The following MARVELD2 variants were observed in gnomAD, a reference collection of about 807,000 sequenced individuals.
MARVELD2 encodes MARVEL domain-containing protein 2.
Under a neutral mutation model 57.6 loss-of-function variants are expected in MARVELD2, and 49 were observed. The ratio of observed to expected loss-of-function variants is 0.85; its 90% CI spans 0.68 to 1.08. MARVELD2 has a LOEUF of 1.08. MARVELD2 is among the 50% of genes least tolerant of loss of function. The pLI is 0.00. For missense variants in MARVELD2, 606 were observed against 701.1 expected, an observed-to-expected ratio of 0.86 and a Z score of 1.53; for synonymous variants, 238 against 258.8, an observed-to-expected ratio of 0.92 and a Z score of 0.77.
At chr5:69,439,161 T>TTTTA (rs1276214303) in intron 5 of MARVELD2, among the ~76,000 whole-genome samples, 2 of 151,842 alleles carry the variant, frequency 1.3e-5, no homozygotes, top group East Asian at 2.0e-4. Context: ...TTTATTAGTT[T>TTTTA]TTTATTTATT....
In MARVELD2 at chr5:69,440,482, G is replaced by A. The variant is rs770051043; in HGVS notation, c.1536G>A (p.Glu512=). The change falls in exon 6 of 7, where the codon GAG becomes GAA. Residue 512 remains glutamate (E), a synonymous_variant. Coordinates refer to ENST00000325631, the MANE Select transcript of MARVELD2 (RefSeq NM_001038603.3). The stretch of plus-strand genomic sequence containing the variant: ...AGAGAATTTCAAGAATCCATGAAGA[G>A]TTTAAGAAAAAAAAGAATGTGAGTA... ...EHERISRIHE[E]FKKKKNDPTF... is the part of the protein sequence containing the mutation. The A allele has an allele frequency of 5.6e-6, 8 of 1,434,468 alleles. No homozygotes were observed. In the Admixed American group the frequency reaches 1.2e-4, roughly 21 times the overall value. 88.9% of individuals were successfully genotyped at this position (1,434,468 alleles called of 1,614,324 possible).
In MARVELD2 at chr5:69,420,248, G is replaced by T. The variant is rs763714710; in HGVS notation, c.863G>T (p.Trp288Leu). 1.2e-6 allele frequency: 2 copies of T among 1,614,094 alleles called. No homozygotes were observed. Among genetic ancestry groups the T allele is most frequent in the Admixed American group, 1.7e-5 (1 of 60,018 alleles). ...YYRTILLDSN[W>L]WPLTEFGINV... ...CGGACCATTCTTCTGGACTCTAATT[G>T]GTGGCCCCTAACTGAATTTGGAATT... The change falls in exon 2 of 7, where the codon TGG (tryptophan) becomes TTG (leucine). Residue 288 changes from tryptophan to leucine, a missense_variant. Coordinates refer to ENST00000325631, the MANE Select transcript of MARVELD2 (RefSeq NM_001038603.3).
intron 1 of MARVELD2, among the ~76,000 whole-genome samples, chr5:69,418,545 G>A (rs374440810): frequency 1.1e-4 from 16 of 152,234 alleles, no homozygotes; most frequent in Admixed American, 3.9e-4. Flanking sequence ...GTGCCTTGGG[G>A]GAGCCTTAGC....
intron 5 of MARVELD2, among the ~76,000 whole-genome samples, chr5:69,436,402 AACAC>A (rs66984523): frequency 0.25 from 31,342 of 123,548 alleles, 3,863 homozygotes; most frequent in Non-Finnish European, 0.31. Flanking sequence ...TATGTATGGG[AACAC>A]ACACACACAC....
intron 3 of MARVELD2, among the ~76,000 whole-genome samples, chr5:69,432,016 A>AT (rs112702646): frequency 8.8e-4 from 125 of 141,572 alleles, no homozygotes; most frequent in African/African-American, 1.5e-3. Flanking sequence ...CATCTGCCAG[A>AT]TTTTTTTTTT....
In MARVELD2 at chr5:69,441,768, C is replaced by T; in HGVS notation, c.*114C>T. 2 of 717,954 alleles carry T rather than the reference C, an allele frequency of 2.8e-6. No individual in the cohort carries two copies. The highest frequency in any genetic ancestry group is 4.6e-6 in the Non-Finnish European group (2 of 432,168). The allele number at this position is 717,954 out of a possible 1,614,324, so 44.5% of individuals were successfully genotyped here. A position where few individuals can be genotyped will look rare whatever the true frequency, so the allele number is the denominator to read the frequency against. On this transcript the variant is annotated 3_prime_UTR_variant, in exon 7 of 7. Coordinates refer to ENST00000325631, the MANE Select transcript of MARVELD2 (RefSeq NM_001038603.3). ...CACAATCTCGGCTCACTGCAACCTC[C>T]ACCTCCCGGGTTCAAGCAATTCTCC...
chr5:69,439,006 C>G (rs1767243133), intron 5 of MARVELD2, among the ~76,000 whole-genome samples: 1 of 143,926 alleles, frequency 6.9e-6, no homozygotes, highest in South Asian at 2.2e-4. Context: ...GTTTTGGTTA[C>G]AGTGAGCTAT....
chr5:69,421,742 G>A (rs1766632523), intron 2 of MARVELD2, among the ~76,000 whole-genome samples: 1 of 150,686 alleles, frequency 6.6e-6, no homozygotes, highest in African/African-American at 2.4e-5. Context: ...GATTACAGGT[G>A]TGAGCCACCA....
chr5:69,433,379 T>G lies in MARVELD2; in HGVS notation c.1503+286T>G, dbSNP rs535378192. Among the ~76,000 whole-genome samples, 4 of 151,172 alleles carry G rather than the reference T, an allele frequency of 2.6e-5. No homozygotes were observed. The South Asian group carries it at 8.4e-4, about 32-fold the overall frequency. On this transcript the variant is annotated intron_variant, in intron 5 of 6. Transcript: ENST00000325631. ...GCGGTTTTGCCATGTTGGCCAAGAGTGGCCTCAAGTGATCCACCTGCCTTG... is the reference window on the plus strand; with the variant it reads ...GCGGTTTTGCCATGTTGGCCAAGAGGGGCCTCAAGTGATCCACCTGCCTTG...
At position 69,419,805 on chromosome 5, in the gene MARVELD2, A is replaced by G; in HGVS notation, c.420A>G (p.Ser140=). Residue 140 remains serine, a synonymous_variant, in exon 2 of 7, where the codon TCA becomes TCG. Coordinates refer to ENST00000325631, the MANE Select transcript of MARVELD2 (RefSeq NM_001038603.3). Reference sequence around the variant, plus strand: ...CCTGCAAAGATCCCTACGGAGGGTCAGAAGGAACCTTTAGTTCCCGGAAAG... The same window carrying G: ...CCTGCAAAGATCCCTACGGAGGGTCGGAAGGAACCTTTAGTTCCCGGAAAG... The part of the protein sequence containing the change: ...LNSCKDPYGG[S]EGTFSSRKEA... 6.2e-7 allele frequency: 1 copy of G among 1,614,254 alleles called. No homozygotes were observed. The highest frequency in any genetic ancestry group is 1.1e-5 in the South Asian group (1 of 91,084).
chr5:69,418,924 C>CTT, intron 1 of MARVELD2: 3 of 149,812 alleles, frequency 2.0e-5, no homozygotes, highest in Non-Finnish European at 4.3e-5. Context: ...TTTTTCATTT[C>CTT]TTTTTTTTTT....
Position 69,432,192 on chromosome 5 carries a change from A to G in MARVELD2, c.1183-335A>G, listed in dbSNP as rs1361530685. Among the ~76,000 whole-genome samples, 3 of 151,916 alleles carry G rather than the reference A, an allele frequency of 2.0e-5. No homozygotes were observed. The East Asian group carries it at 5.8e-4, about 29-fold the overall frequency. On this transcript the variant is annotated intron_variant, in intron 3 of 6. Coordinates refer to ENST00000325631, the MANE Select transcript of MARVELD2 (RefSeq NM_001038603.3). ...CTCCCAGCTAATTTTTGTATTTTTA[A>G]TAGAGATGGGGTTTTACCATGTTGG... is the stretch of plus-strand genomic sequence containing the variant.
At chr5:69,424,779 C>G in intron 3 of MARVELD2, 143 bp downstream of exon 3, 1 of 689,108 alleles carries the variant, frequency 1.5e-6, no homozygotes, top group Non-Finnish European at 2.5e-6. Flanking sequence ...AATCCCAGCA[C>G]TTTGGGAGGC....
chr5:69,433,857 A>G (rs1215187400), intron 5 of MARVELD2, among the ~76,000 whole-genome samples: 3 of 152,102 alleles, frequency 2.0e-5, no homozygotes, highest in Non-Finnish European at 1.5e-5. Context: ...CAAGATGACA[A>G]TTCAAATTAT....
At position 69,443,210 on chromosome 5, in the gene MARVELD2, T is replaced by TG. The variant is rs1410905654; in HGVS notation, c.*1556_*1557insG. 1 of 152,814 alleles carries TG rather than the reference T, an allele frequency of 6.5e-6. No individual in the cohort carries two copies. Among genetic ancestry groups the TG allele is most frequent in the Non-Finnish European group, 1.4e-5 (1 of 69,080 alleles). 9.5% of individuals were successfully genotyped at this position (152,814 alleles called of 1,614,324 possible). On this transcript the variant is annotated 3_prime_UTR_variant, in exon 7 of 7. Coordinates refer to ENST00000325631, the MANE Select transcript of MARVELD2 (RefSeq NM_001038603.3). ...TTCCTTGGAAACTCCCTTTTTTTTT[T>TG]TTTTTGAGATGGAGTTTCGCTCTTG...
At position 69,430,835 on chromosome 5, in the gene MARVELD2, A is replaced by G. The variant is rs1766940841; in HGVS notation, c.1183-1692A>G. ...AGGCGTGAGCCACCTTGCCTGGCCC[A>G]GTTCTGGGTTTTAATTGTGGCTTTT... On this transcript the variant is annotated intron_variant, in intron 3 of 6. Coordinates refer to ENST00000325631, the MANE Select transcript of MARVELD2 (RefSeq NM_001038603.3). Among the ~76,000 whole-genome samples, 3 of 151,830 alleles carry G rather than the reference A, an allele frequency of 2.0e-5. No individual in the cohort carries two copies. In the South Asian group the frequency reaches 6.2e-4, roughly 32 times the overall value.
intron 1 of MARVELD2, among the ~76,000 whole-genome samples, chr5:69,417,398 C>T (rs1401638601): frequency 6.6e-6 from 1 of 152,188 alleles, no homozygotes; most frequent in Non-Finnish European, 1.5e-5. Context: ...GTTTGTCCAC[C>T]AGTATACTTT....
rs1767338556 is a variant in MARVELD2, at chr5:69,441,840, C to T, written c.*186C>T. On this transcript the variant is annotated 3_prime_UTR_variant, in exon 7 of 7. Coordinates refer to ENST00000325631, the MANE Select transcript of MARVELD2 (RefSeq NM_001038603.3). ...CAGTAGCTGGGATTACAGGCGTGCG[C>T]TGCCACACCCCGCTAATTTTTGTAT... The T allele has an allele frequency of 2.3e-6, 1 of 427,600 alleles. No homozygotes were observed. The highest frequency in any genetic ancestry group is 2.0e-5 in the African/African-American group (1 of 49,666). 26.5% of individuals were successfully genotyped at this position (427,600 alleles called of 1,614,324 possible).
rs1767356138 is a variant in MARVELD2 at position 69,442,506 on chromosome 5, G to A, written c.*852G>A. On this transcript the variant is annotated 3_prime_UTR_variant, in exon 7 of 7. Coordinates refer to ENST00000325631, the MANE Select transcript of MARVELD2 (RefSeq NM_001038603.3). Reference sequence around the variant, plus strand: ...CCTCATAGAGTTGTTAGGATTAAAGGAGTTACTAATATGGTAGGAACTATA... The same window carrying A: ...CCTCATAGAGTTGTTAGGATTAAAGAAGTTACTAATATGGTAGGAACTATA... The A allele has an allele frequency of 6.6e-6, 1 of 152,176 alleles. No individual in the cohort carries two copies. The highest frequency in any genetic ancestry group is 6.5e-5 in the Admixed American group (1 of 15,268). 9.4% of individuals were successfully genotyped at this position (152,176 alleles called of 1,614,324 possible).
Sources: gnomAD v4.1 joint callset for allele counts (sites outside exome capture counted in the v4.1 genomes callset) on GRCh38, gnomAD v4.1.1 for gene constraint, MANE v1.5 for transcripts, NCBI Gene and HGNC (gene_info 2026-07-23, HGNC 2026-07-21) for gene names.